WWOX: variants seen among roughly 807,000 people sequenced by gnomAD.
The protein encoded by WWOX is WW domain-containing oxidoreductase.
In WWOX, 69 loss-of-function variants were observed where a neutral mutation model predicts 46.2. The ratio of observed to expected loss-of-function variants is 1.49; its 90% CI spans 1.23 to 1.82. The LOEUF (loss-of-function observed/expected upper bound fraction) is 1.82, where lower values mean the gene tolerates loss of function less well. Ranked by LOEUF, WWOX falls within the 40% of genes most tolerant of loss-of-function variation. WWOX has a pLI of 0.00. For missense variants in WWOX, 919 were observed against 542.6 expected (o/e 1.69, Z -6.89); for synonymous variants, 359 against 202.6 (o/e 1.77, Z -6.56).
chr16:78,538,781 A>C (rs987424797), intron 8 of WWOX, among the ~76,000 whole-genome samples: 1 of 152,210 alleles, frequency 6.6e-6, no homozygotes, highest in African/African-American at 2.4e-5. Context: ...TCTTTCTGCT[A>C]CCTTCCTAAA....
chr16:78,369,808 T>C (rs1357132461), intron 5 of WWOX, among the ~76,000 whole-genome samples: 1 of 151,924 alleles, frequency 6.6e-6, no homozygotes, highest in Non-Finnish European at 1.5e-5. Flanking sequence ...GCCTATCATA[T>C]AGGAATGATA....
At chr16:78,204,183 A>C (rs1021898407) in intron 5 of WWOX, among the ~76,000 whole-genome samples, 4 of 152,304 alleles carry the variant, frequency 2.6e-5, no homozygotes, top group Non-Finnish European at 5.9e-5. Context: ...AAGAATGTGA[A>C]AAGCTATTTA....
intron 8 of WWOX, among the ~76,000 whole-genome samples, chr16:78,895,061 G>C (rs1388557606): frequency 6.6e-6 from 1 of 152,142 alleles, no homozygotes; most frequent in Non-Finnish European, 1.5e-5. Flanking sequence ...AGTACGATTA[G>C]GAAAACAAAC....
At chr16:78,561,922 T>C (rs1422690426) in intron 8 of WWOX, among the ~76,000 whole-genome samples, 1 of 152,162 alleles carries the variant, frequency 6.6e-6, no homozygotes, top group East Asian at 1.9e-4. Context: ...TTAACGTCTC[T>C]ATCTAATTTC....
chr16:78,372,958 A>G (rs2081729277), intron 5 of WWOX, among the ~76,000 whole-genome samples: 1 of 152,184 alleles, frequency 6.6e-6, no homozygotes, highest in Non-Finnish European at 1.5e-5. Context: ...GGGCTGAATT[A>G]TTTGAATTCA....
At chr16:78,963,562 A>G (rs543314183) in intron 8 of WWOX, among the ~76,000 whole-genome samples, 63 of 152,212 alleles carry the variant, frequency 4.1e-4, no homozygotes, top group Non-Finnish European at 6.6e-4. Flanking sequence ...TCATCCTTGA[A>G]TTACTGAATT....
intron 8 of WWOX, among the ~76,000 whole-genome samples, chr16:78,615,647 C>T (rs2046004566): frequency 1.3e-5 from 2 of 151,636 alleles, no homozygotes; most frequent in South Asian, 4.2e-4. Context: ...CAGAGCAAGA[C>T]CCCATTTCCA....
chr16:78,680,466 T>C (rs1042982136), intron 8 of WWOX, among the ~76,000 whole-genome samples: 1 of 151,642 alleles, frequency 6.6e-6, no homozygotes, highest in African/African-American at 2.4e-5. Flanking sequence ...CCCCGGGAGG[T>C]AGAGGCATGA....
At chr16:79,055,785 A>G (rs2048250930) in intron 8 of WWOX, among the ~76,000 whole-genome samples, 1 of 152,224 alleles carries the variant, frequency 6.6e-6, no homozygotes, top group Non-Finnish European at 1.5e-5. Context: ...TATATGTAGC[A>G]ACCAAACAGT....
chr16:78,531,191 T>G (rs768748198), intron 8 of WWOX, among the ~76,000 whole-genome samples: 12 of 152,234 alleles, frequency 7.9e-5, no homozygotes, highest in Non-Finnish European at 1.6e-4. Context: ...GGTCTCAATT[T>G]GCCTTTTCAG....
At chr16:78,483,951 T>A (rs1358867180) in intron 8 of WWOX, among the ~76,000 whole-genome samples, 1 of 152,192 alleles carries the variant, frequency 6.6e-6, no homozygotes, top group Non-Finnish European at 1.5e-5. Flanking sequence ...GCCCCTAGTG[T>A]GTCTGTTGAA....
chr16:78,879,536 G>T lies in WWOX; in HGVS notation c.1057-332072G>T, dbSNP rs1040511558. Among the ~76,000 whole-genome samples the T allele has an allele frequency of 2.6e-5, 4 of 152,044 alleles. No homozygotes were observed. The East Asian group carries it at 7.7e-4, about 29-fold the overall frequency. ...AAAAAAATTTGGCCTTTGGCCTCGT[G>T]ACCACCAAATCTGATTTCCATCCAA... On this transcript the variant is annotated intron_variant, in intron 8 of 8. Coordinates refer to ENST00000566780, the MANE Select transcript of WWOX (RefSeq NM_016373.4).
intron 8 of WWOX, among the ~76,000 whole-genome samples, chr16:78,715,980 C>T (rs2048551888): frequency 6.6e-6 from 1 of 151,796 alleles, no homozygotes; most frequent in Non-Finnish European, 1.5e-5. Context: ...AGAGGTATTA[C>T]AGAGGTTTGA....
intron 8 of WWOX, among the ~76,000 whole-genome samples, chr16:79,014,750 A>G (rs534932068): frequency 7.2e-4 from 109 of 152,216 alleles, no homozygotes; most frequent in Non-Finnish European, 1.2e-3. Flanking sequence ...CACAACTAGT[A>G]AGTGGATTCG....
intron 8 of WWOX, among the ~76,000 whole-genome samples, chr16:78,673,597 G>A (rs1209956550): frequency 6.6e-6 from 1 of 152,210 alleles, no homozygotes; most frequent in Non-Finnish European, 1.5e-5. Context: ...GCACCCATTA[G>A]TGTTGGTTAC....
chr16:78,886,622 A>G (rs2151221518), intron 8 of WWOX, among the ~76,000 whole-genome samples: 1 of 138,706 alleles, frequency 7.2e-6, no homozygotes, highest in South Asian at 2.3e-4. Flanking sequence ...AACTATATAA[A>G]ATATTACAAA....
intron 7 of WWOX, among the ~76,000 whole-genome samples, chr16:78,428,721 A>G (rs2083145865): frequency 6.6e-6 from 1 of 152,204 alleles, no homozygotes; most frequent in Admixed American, 6.5e-5. Flanking sequence ...ACAGTAGAAA[A>G]TCACTGTGTA....
intron 6 of WWOX, among the ~76,000 whole-genome samples, chr16:78,408,969 C>T (rs986822487): frequency 4.6e-5 from 7 of 152,078 alleles, no homozygotes; most frequent in African/African-American, 1.4e-4. Context: ...AGATGAGAGC[C>T]AGCTTGGAGA....
At chr16:78,100,544 C>T (rs555283325) in intron 1 of WWOX, among the ~76,000 whole-genome samples, 1 of 152,356 alleles carries the variant, frequency 6.6e-6, no homozygotes, top group South Asian at 2.1e-4. Context: ...AGCCACTGCG[C>T]CTAGCCAGGA....
Sources: allele counts gnomAD v4.1 joint callset (sites outside exome capture counted in the v4.1 genomes callset), GRCh38; gene constraint gnomAD v4.1.1; transcripts MANE v1.5; gene names NCBI Gene and HGNC (gene_info 2026-07-23, HGNC 2026-07-21).